The following NRDC variants were observed in gnomAD, a reference collection of about 807,000 sequenced individuals.
The protein encoded by NRDC is nardilysin.
NRDC carries 54 observed loss-of-function variants against 147.1 expected under a neutral mutation model. The ratio of observed to expected loss-of-function variants is 0.37; its 90% CI spans 0.29 to 0.46. The LOEUF is 0.46. Ranked by LOEUF, NRDC falls within the 20% of genes least tolerant of loss-of-function variation. NRDC has a pLI of 1.00. For synonymous variants in NRDC, 440 were observed against 482.1 expected, an observed-to-expected ratio of 0.91 and a Z score of 1.14; for missense variants, 1,082 against 1,370.6, an observed-to-expected ratio of 0.79 and a Z score of 3.33.
At position 51,794,573 on chromosome 1, in the gene NRDC, C is replaced by G; in HGVS notation, c.2674G>C (p.Val892Leu). ...NFKPLEQEMP[V>L]QFQVVELPSG... ...GGCAGCTCTACCACCTGGAACTGCA[C>G]AGGCATCTCCTGCTCCAGAGGCTTG... Residue 892 changes from valine (V) to leucine (L), a missense_variant, in exon 24 of 31, where the codon GTG becomes CTG. This residue lies in a region of NRDC where 635 missense variants were observed against 923.8 expected (regional missense o/e 0.69). Transcript: ENST00000352171. 3.7e-6 allele frequency: 6 copies of G among 1,614,188 alleles called. No homozygotes were observed. Among genetic ancestry groups the G allele is most frequent in the Non-Finnish European group, 5.1e-6 (6 of 1,180,020 alleles).
chr1:51,878,218 C>G, intron 1 of NRDC, 57 bp downstream of exon 1: 1 of 1,532,910 alleles, frequency 6.5e-7, no homozygotes, highest in Non-Finnish European at 8.9e-7. Flanking sequence ...GTGACGGCGG[C>G]ACCGACAGAG....
chr1:51,808,942 C>A (rs959621265), intron 17 of NRDC, among the ~76,000 whole-genome samples: 8 of 152,188 alleles, frequency 5.3e-5, no homozygotes, highest in Non-Finnish European at 1.0e-4. Flanking sequence ...GACTTCACAA[C>A]CTTCTAATGG....
At chr1:51,849,966 C>T (rs1285060835) in intron 1 of NRDC, among the ~76,000 whole-genome samples, 1 of 151,004 alleles carries the variant, frequency 6.6e-6, no homozygotes, top group Non-Finnish European at 1.5e-5. Context: ...ATCACTTGAG[C>T]CCAGGAGTTC....
intron 10 of NRDC, among the ~76,000 whole-genome samples, chr1:51,816,877 C>T (rs962674318): frequency 6.6e-6 from 1 of 152,062 alleles, no homozygotes; most frequent in Non-Finnish European, 1.5e-5. Flanking sequence ...GATACTTAAC[C>T]GTATTCTTCT....
At chr1:51,846,753 A>C (rs375452469) in intron 1 of NRDC, among the ~76,000 whole-genome samples, 2 of 152,196 alleles carry the variant, frequency 1.3e-5, no homozygotes, top group Non-Finnish European at 2.9e-5. Flanking sequence ...TCACCCCAGG[A>C]GCCTGCAGCC....
chr1:51,818,022 T>C (rs762999709), intron 10 of NRDC, 44 bp downstream of exon 10: 5 of 1,422,660 alleles, frequency 3.5e-6, no homozygotes, highest in Non-Finnish European at 4.9e-6. Context: ...TAAAAATTAC[T>C]CTCACTTGGT....
chr1:51,878,594 C>G lies in NRDC; in HGVS notation c.22G>C (p.Ala8Pro). 6.2e-7 allele frequency: 1 copy of G among 1,612,328 alleles called. No homozygotes were observed. ...TTCCTCCGGGTGGCACAGACTGCAGCAACAGTGACTCTCCTCAGCATTCAC... is the reference window on the plus strand; with the variant it reads ...TTCCTCCGGGTGGCACAGACTGCAGGAACAGTGACTCTCCTCAGCATTCAC... The part of the protein sequence containing the change: MLRRVTV[A>P]AVCATRRKLC... The change falls in exon 1 of 31, where the codon GCT (alanine) becomes CCT (proline). Residue 8 changes from alanine to proline, a missense_variant. Physicochemically the swap from Ala to Pro is conservative, Grantham distance 27 (BLOSUM62 -1). Around this residue, in one of 3 missense-constraint regions of NRDC, gnomAD observed 260 missense variants for 253.2 expected, o/e 1.03. Transcript: ENST00000352171.
At chr1:51,869,219 T>A (rs996843178) in intron 1 of NRDC, among the ~76,000 whole-genome samples, 5 of 152,206 alleles carry the variant, frequency 3.3e-5, no homozygotes, top group Non-Finnish European at 7.3e-5. Flanking sequence ...GATGCTGGGA[T>A]TACAGGCATG....
intron 1 of NRDC, among the ~76,000 whole-genome samples, chr1:51,858,686 T>G (rs1417457041): frequency 1.3e-5 from 2 of 152,182 alleles, no homozygotes; most frequent in Non-Finnish European, 2.9e-5. Flanking sequence ...AGAGTACTGT[T>G]TTCTTTGCCC....
chr1:51,798,439 C>A, intron 21 of NRDC, 28 bp from the exon 22 acceptor site: 1 of 1,547,906 alleles, frequency 6.5e-7, no homozygotes, highest in South Asian at 1.2e-5. Context: ...AAAAAACACT[C>A]AAAGTTTTGT....
chr1:51,817,797 C>A (rs11205894), intron 10 of NRDC, among the ~76,000 whole-genome samples: 6,896 of 152,074 alleles, frequency 0.045, 510 homozygotes, highest in African/African-American at 0.16. Flanking sequence ...TTGACAAGAT[C>A]GAAACAAATT....
Position 51,825,289 on chromosome 1 carries a change from C to CA in NRDC, c.1033dup (p.Trp345LeufsTer5). The CA allele has an allele frequency of 6.3e-7, 1 of 1,587,896 alleles. No homozygotes were observed. The highest frequency in any genetic ancestry group is 8.6e-7 in the Non-Finnish European group (1 of 1,165,946). On this transcript the variant is annotated frameshift_variant, in exon 6 of 31. Coordinates refer to ENST00000352171, the MANE Select transcript of NRDC (RefSeq NM_001101662.2). LOFTEE classifies it high-confidence loss of function. ...AGATGATGTATTTAGTATCTTACCC[C>CA]AAAAAAATTTTCCCATAGGATGTCC...
rs927646125 is a variant in NRDC at position 51,839,629 on chromosome 1, T to C, written c.630+597A>G. 7.2e-5 allele frequency among the ~76,000 whole-genome samples: 11 copies of C among 152,332 alleles called. 1 individual carries two copies. The highest frequency in any genetic ancestry group is 7.2e-4 in the Admixed American group (11 of 15,308). On this transcript the variant is annotated intron_variant, in intron 2 of 30. Coordinates refer to ENST00000352171, the MANE Select transcript of NRDC (RefSeq NM_001101662.2). ...TATCTATCCACTGATGGTTGTTACATATTAAATAAGCTTAACTGCCCAGTT... is the reference window on the plus strand; with the variant it reads ...TATCTATCCACTGATGGTTGTTACACATTAAATAAGCTTAACTGCCCAGTT...
rs764165772 is a variant in NRDC, at chr1:51,789,390, G to A, written c.3302C>T (p.Pro1101Leu). 2.2e-5 allele frequency: 36 copies of A among 1,614,002 alleles called. No individual in the cohort carries two copies. The highest frequency in any genetic ancestry group is 2.9e-5 in the Non-Finnish European group (34 of 1,180,014). ...GKYELEEDGT[P>L]SSEDSNSSCE... ...AGAAGAATTTGAATCCTCACTAGAA[G>A]GGGTACCATCCTCTTCCAGTTCATA... The change falls in exon 31 of 31, where the codon CCT becomes CTT. Residue 1101 changes from proline (P) to leucine (L), a missense_variant. By Grantham distance (98) the Pro-to-Leu change is moderately conservative (BLOSUM62 -3). Coordinates refer to ENST00000352171, the MANE Select transcript of NRDC (RefSeq NM_001101662.2).
intron 1 of NRDC, among the ~76,000 whole-genome samples, chr1:51,865,357 T>C (rs1682754579): frequency 6.6e-6 from 1 of 151,512 alleles, no homozygotes; most frequent in South Asian, 2.1e-4. Flanking sequence ...CAGGTTAGAG[T>C]GCAATGGCGT....
intron 22 of NRDC, among the ~76,000 whole-genome samples, chr1:51,797,257 A>T (rs1309905180): frequency 6.6e-6 from 1 of 152,118 alleles, no homozygotes; most frequent in Non-Finnish European, 1.5e-5. Context: ...GTTGTGCAGT[A>T]GATTAGATTT....
At chr1:51,831,563 C>T (rs1187171894) in intron 4 of NRDC, among the ~76,000 whole-genome samples, 1 of 151,856 alleles carries the variant, frequency 6.6e-6, no homozygotes, top group Admixed American at 6.6e-5. Flanking sequence ...ATTTGCATTG[C>T]CTTCATTGAT....
At chr1:51,830,252 T>G (rs145996044) in intron 4 of NRDC, among the ~76,000 whole-genome samples, 1,542 of 152,272 alleles carry the variant, frequency 0.01, 27 homozygotes, top group African/African-American at 0.036. Context: ...CATGAGCCAC[T>G]GCGTCTGGCC....
intron 1 of NRDC, among the ~76,000 whole-genome samples, chr1:51,875,344 G>A (rs1232334274): frequency 2.0e-5 from 3 of 150,812 alleles, no homozygotes; most frequent in South Asian, 2.1e-4. Flanking sequence ...AACCCCCTTC[G>A]TTTTTAAAAT....
Sources: allele counts gnomAD v4.1 joint callset (sites outside exome capture counted in the v4.1 genomes callset), GRCh38; gene constraint gnomAD v4.1.1; regional missense constraint gnomAD v4.1.1; transcripts MANE v1.5; gene names NCBI Gene and HGNC (gene_info 2026-07-23, HGNC 2026-07-21).